The following DCAF1 variants were observed in gnomAD, a reference collection of about 807,000 sequenced individuals.
DCAF1 encodes DDB1- and CUL4-associated factor 1.
In DCAF1, 15 loss-of-function variants were observed where a neutral mutation model predicts 128.0. That is an observed-to-expected ratio of 0.12 (90% CI 0.08 to 0.18). DCAF1 has a LOEUF of 0.18. Ranked by LOEUF, DCAF1 falls within the 10% of genes least tolerant of loss-of-function variation. The pLI is 1.00. For synonymous variants in DCAF1, 610 were observed against 603.0 expected (o/e 1.01, Z -0.17); for missense variants, 988 against 1,649.5 (o/e 0.60, Z 6.95).
intron 5 of DCAF1, among the ~76,000 whole-genome samples, chr3:51,466,497 T>C (rs994127835): frequency 4.1e-4 from 62 of 152,146 alleles, no homozygotes; most frequent in African/African-American, 1.5e-3. Context: ...TACCCCACAG[T>C]GTCAGTGCAG....
intron 23 of DCAF1, among the ~76,000 whole-genome samples, chr3:51,411,277 A>G (rs149136382): frequency 7.9e-5 from 12 of 152,306 alleles, no homozygotes; most frequent in Non-Finnish European, 7.4e-5. Context: ...CTGCTTTAAT[A>G]TCTGAAGAGC....
chr3:51,405,392 T>C (rs1295553683), intron 23 of DCAF1, among the ~76,000 whole-genome samples: 2 of 152,196 alleles, frequency 1.3e-5, no homozygotes, highest in East Asian at 3.8e-4. Context: ...CTAGATACCA[T>C]TCCAAACTCT....
At chr3:51,449,673 T>TA (rs1702177384) in intron 6 of DCAF1, among the ~76,000 whole-genome samples, 2 of 151,116 alleles carry the variant, frequency 1.3e-5, no homozygotes, top group East Asian at 3.9e-4. Context: ...AAAAATGAAA[T>TA]AGAGAATAGA....
rs1701046948 is a variant in DCAF1, at chr3:51,438,360, T to C, written c.1128+2610A>G. ...AAATTATATGCAAAGATGTTCACTG[T>C]AACGTCCTTTGTAACAAAAAAATAA... On this transcript the variant is annotated intron_variant, in intron 9 of 24. Transcript: ENST00000684031. Among the ~76,000 whole-genome samples the C allele has an allele frequency of 2.6e-5, 4 of 152,218 alleles. No homozygotes were observed. The South Asian group carries it at 8.3e-4, about 31-fold the overall frequency.
At chr3:51,448,688 G>C (rs577668245) in intron 6 of DCAF1, among the ~76,000 whole-genome samples, 2 of 151,978 alleles carry the variant, frequency 1.3e-5, no homozygotes, top group Non-Finnish European at 2.9e-5. Flanking sequence ...AACTATTACC[G>C]GTATAGTATC....
Position 51,435,900 on chromosome 3 carries a change from T to C in DCAF1, c.1129-2636A>G, listed in dbSNP as rs147619910. 4.0e-3 allele frequency among the ~76,000 whole-genome samples: 614 copies of C among 152,110 alleles called. 22 individuals are homozygous for C. Among genetic ancestry groups the C allele is most frequent in the Admixed American group, 0.034 (520 of 15,264 alleles). ...AGACAAAAATAAAGTTGCCAAGTGG[T>C]AGTAAAATAAGCAGTTCGGCAAAGG... On this transcript the variant is annotated intron_variant, in intron 9 of 24. Transcript: ENST00000684031.
chr3:51,477,958 T>C (rs1705686066), intron 3 of DCAF1, among the ~76,000 whole-genome samples: 2 of 152,126 alleles, frequency 1.3e-5, no homozygotes, highest in Admixed American at 1.3e-4. Flanking sequence ...TGGAACTTCA[T>C]CATTATATAC....
chr3:51,454,522 C>T (rs547101120), intron 6 of DCAF1, among the ~76,000 whole-genome samples: 34 of 152,182 alleles, frequency 2.2e-4, no homozygotes, highest in South Asian at 1.5e-3. Context: ...CCACCACACC[C>T]GGCTAATTTT....
intron 6 of DCAF1, among the ~76,000 whole-genome samples, chr3:51,448,892 T>C (rs151297008): frequency 5.7e-4 from 87 of 152,026 alleles, no homozygotes; most frequent in African/African-American, 2.0e-3. Context: ...CAAGTACACA[T>C]AGAACTTTTT....
intron 10 of DCAF1, among the ~76,000 whole-genome samples, chr3:51,431,939 AC>A (rs1700422158): frequency 6.6e-6 from 1 of 151,278 alleles, no homozygotes; most frequent in Non-Finnish European, 1.5e-5. Context: ...CCACTGCACT[AC>A]AGCCTACAGC....
chr3:51,477,192 T>C (rs533858358), intron 3 of DCAF1, among the ~76,000 whole-genome samples: 69 of 151,848 alleles, frequency 4.5e-4, no homozygotes, highest in Non-Finnish European at 8.2e-4. Flanking sequence ...CAAAATGACA[T>C]ACACTGTTCT....
intron 1 of DCAF1, among the ~76,000 whole-genome samples, chr3:51,499,544 G>C (rs1404497247): frequency 2.0e-5 from 3 of 152,056 alleles, no homozygotes; most frequent in African/African-American, 7.2e-5. Flanking sequence ...AGAAAACAAG[G>C]GAAATGAAAT....
intron 3 of DCAF1, among the ~76,000 whole-genome samples, chr3:51,472,132 A>G (rs1704827091): frequency 6.6e-6 from 1 of 152,114 alleles, no homozygotes; most frequent in Admixed American, 6.6e-5. Context: ...TCCAAGTACT[A>G]CTATGGCCTG....
upstream of DCAF1, among the ~76,000 whole-genome samples, chr3:51,500,414 C>T (rs1255621219): frequency 1.3e-5 from 2 of 152,130 alleles, no homozygotes; most frequent in Non-Finnish European, 2.9e-5. Context: ...CGCAAAGAGC[C>T]TCTGTTTTAT....
chr3:51,461,673 C>A (rs1703589782), intron 6 of DCAF1, among the ~76,000 whole-genome samples: 1 of 152,134 alleles, frequency 6.6e-6, no homozygotes, highest in Non-Finnish European at 1.5e-5. Flanking sequence ...AAATGTCCAA[C>A]AACGATAGAC....
intron 13 of DCAF1, among the ~76,000 whole-genome samples, chr3:51,426,886 C>T (rs1427801616): frequency 6.6e-6 from 1 of 152,200 alleles, no homozygotes; most frequent in Non-Finnish European, 1.5e-5. Flanking sequence ...TTCCTGATTA[C>T]ATCAGCCACC....
chr3:51,492,777 G>A (rs531095860), intron 2 of DCAF1, among the ~76,000 whole-genome samples: 67 of 151,372 alleles, frequency 4.4e-4, no homozygotes, highest in Middle Eastern at 3.5e-3. Flanking sequence ...GGCGGATCGC[G>A]AGGTCAGGAG....
Position 51,456,652 on chromosome 3 carries a change from GA to G in DCAF1, c.375+6461del, listed in dbSNP as rs1553642907. Among the ~76,000 whole-genome samples, 14 of 152,328 alleles carry G rather than the reference GA, an allele frequency of 9.2e-5. 1 individual carries two copies. The South Asian group carries it at 2.9e-3, about 32-fold the overall frequency. On this transcript the variant is annotated intron_variant, in intron 6 of 24. Transcript: ENST00000684031. ...CCTGACCCCCAAGTAGCCTAACTGG[GA>G]GGCACCCCCCAGTAGGGGCGGACTG...
intron 4 of DCAF1, among the ~76,000 whole-genome samples, chr3:51,468,215 A>G (rs1381900611): frequency 6.6e-6 from 1 of 152,214 alleles, no homozygotes; most frequent in Non-Finnish European, 1.5e-5. Flanking sequence ...TCTGTCGCCA[A>G]GGCTGGAGTA....
Sources: allele counts gnomAD v4.1 joint callset (sites outside exome capture counted in the v4.1 genomes callset), GRCh38; gene constraint gnomAD v4.1.1; transcripts MANE v1.5; gene names NCBI Gene and HGNC (gene_info 2026-07-23, HGNC 2026-07-21).